ENPEP: variants seen among roughly 807,000 people sequenced by gnomAD.
The protein encoded by ENPEP is glutamyl aminopeptidase.
A neutral mutation model predicts 114.5 loss-of-function variants in ENPEP; 103 were observed. The observed-to-expected ratio is 0.90, with a 90% CI of 0.77 to 1.06. The LOEUF (loss-of-function observed/expected upper bound fraction) is 1.06, where lower values mean the gene tolerates loss of function less well. Among genes scored for constraint, ENPEP ranks in the 50% least tolerant of loss-of-function variants. The pLI is 0.00. For missense variants in ENPEP, 1,196 were observed against 1,161.3 expected (o/e 1.03, Z -0.43); for synonymous variants, 420 against 422.0 (o/e 1.00, Z 0.06).
At chr4:110,480,181 A>C (rs1335212213) in intron 1 of ENPEP, among the ~76,000 whole-genome samples, 2 of 152,248 alleles carry the variant, frequency 1.3e-5, no homozygotes, top group Non-Finnish European at 2.9e-5. Flanking sequence ...ACATTACAAA[A>C]GATGCTGCCA....
At chr4:110,488,348 T>TA (rs1295284704) in intron 1 of ENPEP, among the ~76,000 whole-genome samples, 193 bp from the exon 2 acceptor site, 3 of 152,234 alleles carry the variant, frequency 2.0e-5, no homozygotes, top group Non-Finnish European at 4.4e-5. Context: ...CAGAATTTTT[T>TA]AAAAATTTGT....
chr4:110,501,105 T>A lies in ENPEP; in HGVS notation c.919-5532T>A, dbSNP rs566596714. 1.4e-4 allele frequency among the ~76,000 whole-genome samples: 21 copies of A among 152,256 alleles called. No homozygotes were observed. The East Asian group carries it at 3.9e-3, about 28-fold the overall frequency. On this transcript the variant is annotated intron_variant, in intron 3 of 19. Transcript: ENST00000265162. ...TGGCATGTTGGTAGAGTCTTTAATA[T>A]AAAAATGTTTGTGATATATGGTAGT... is the stretch of plus-strand genomic sequence containing the variant.
chr4:110,549,254 C>G, intron 14 of ENPEP, 92 bp from the exon 15 acceptor site: 1 of 1,025,696 alleles, frequency 9.7e-7, no homozygotes, highest in Non-Finnish European at 1.5e-6. Context: ...AGTAGGAAAA[C>G]AGATTATAAC....
chr4:110,548,185 T>C lies in ENPEP; in HGVS notation c.2010T>C (p.Leu670=). ...DDAFALARAQ[L]LDYKVALNLT... ...TTTTTGTCTTTCTCAGAGCTCAACT[T>C]CTAGATTATAAGGTGGCTTTGAACT... Residue 670 remains leucine (L), a synonymous_variant, in exon 14 of 20, where the codon CTT becomes CTC. Transcript: ENST00000265162. 1 of 1,369,948 alleles carries C rather than the reference T, an allele frequency of 7.3e-7. No homozygotes were observed. Among genetic ancestry groups the C allele is most frequent in the Non-Finnish European group, 9.9e-7 (1 of 1,014,508 alleles). 84.9% of individuals were successfully genotyped at this position (1,369,948 alleles called of 1,614,324 possible). A position where few individuals can be genotyped will look rare whatever the true frequency, so the allele number is the denominator to read the frequency against.
Position 110,561,456 on chromosome 4 carries a change from T to C in ENPEP, c.2772T>C (p.Pro924=), listed in dbSNP as rs1379788168. ...CACAAGCTGGAGCAGGAGAAAAACC[T>C]AGGGAACAAGTGCTGGAAACAGTGA... ...KYPQAGAGEK[P]REQVLETVKN... Residue 924 remains proline, a synonymous_variant, in exon 20 of 20, where the codon CCT becomes CCC. Coordinates refer to ENST00000265162, the MANE Select transcript of ENPEP (RefSeq NM_001977.4). 1.2e-6 allele frequency: 2 copies of C among 1,614,004 alleles called. No homozygotes were observed. Among genetic ancestry groups the C allele is most frequent in the Non-Finnish European group, 1.7e-6 (2 of 1,179,944 alleles).
At chr4:110,554,027 C>T (rs184196239) in intron 18 of ENPEP, among the ~76,000 whole-genome samples, 2 of 152,088 alleles carry the variant, frequency 1.3e-5, no homozygotes, top group Admixed American at 6.6e-5. Flanking sequence ...TTCCAAACTT[C>T]GTATTTCCTC....
chr4:110,540,527 A>T (rs1726810874), intron 11 of ENPEP, among the ~76,000 whole-genome samples: 1 of 152,156 alleles, frequency 6.6e-6, no homozygotes, highest in Admixed American at 6.6e-5. Flanking sequence ...AAACAACTGA[A>T]CAGTATTTTG....
intron 1 of ENPEP, among the ~76,000 whole-genome samples, chr4:110,481,626 C>G (rs1403667403): frequency 6.6e-6 from 1 of 152,178 alleles, no homozygotes; most frequent in East Asian, 1.9e-4. Context: ...CATAAACGAG[C>G]CTAACTTCCA....
intron 11 of ENPEP, among the ~76,000 whole-genome samples, chr4:110,531,714 T>G (rs1265082441): frequency 6.6e-6 from 1 of 152,178 alleles, no homozygotes; most frequent in African/African-American, 2.4e-5. Context: ...CTGCACTGAT[T>G]TATTTTTTCC....
Position 110,476,842 on chromosome 4 carries a change from G to A in ENPEP, c.428G>A (p.Arg143Gln), listed in dbSNP as rs2110327658. Residue 143 changes from arginine to glutamine, a missense_variant, in exon 1 of 20, where the codon CGG becomes CAG. Transcript: ENST00000265162. ...WLHLRETRIT[R>Q]LPELKRPSGD... is the part of the protein sequence containing the mutation. ...CACCTCCGGGAGACCAGGATCACCC[G>A]GCTCCCGGAGCTGAAGAGGCCCTCT... 9 of 1,614,100 alleles carry A rather than the reference G, an allele frequency of 5.6e-6. No homozygotes were observed. Among genetic ancestry groups the A allele is most frequent in the Non-Finnish European group, 7.6e-6 (9 of 1,180,008 alleles).
chr4:110,564,109 T>TC lies in ENPEP; in HGVS notation c.*2552dup, dbSNP rs1179064489. 1 of 152,164 alleles carries TC rather than the reference T, an allele frequency of 6.6e-6. No individual in the cohort carries two copies. 9.4% of individuals were successfully genotyped at this position (152,164 alleles called of 1,614,324 possible). On this transcript the variant is annotated 3_prime_UTR_variant, in exon 20 of 20. Coordinates refer to ENST00000265162, the MANE Select transcript of ENPEP (RefSeq NM_001977.4). ...TCATCATCAGACTTTCCTTTTTTTT[T>TC]CAAGCATTTTTATAAACACTAGCAC...
chr4:110,556,850 T>C (rs1414632464), intron 18 of ENPEP, among the ~76,000 whole-genome samples: 1 of 152,146 alleles, frequency 6.6e-6, no homozygotes, highest in African/African-American at 2.4e-5. Flanking sequence ...ATCCAGTAAA[T>C]ATTGTGGAGC....
At chr4:110,495,945 A>G (rs1286956155) in intron 3 of ENPEP, among the ~76,000 whole-genome samples, 1 of 152,212 alleles carries the variant, frequency 6.6e-6, no homozygotes, top group Non-Finnish European at 1.5e-5. Flanking sequence ...GCTGGGAGGA[A>G]TTATTCACTA....
chr4:110,553,369 A>G lies in ENPEP; in HGVS notation c.2556A>G (p.Thr852=). 7 of 1,611,622 alleles carry G rather than the reference A, an allele frequency of 4.3e-6. No homozygotes were observed. The highest frequency in any genetic ancestry group is 5.9e-6 in the Non-Finnish European group (7 of 1,178,340). The change falls in exon 18 of 20, where the codon ACA becomes ACG. Residue 852 remains threonine, a synonymous_variant. Transcript: ENST00000265162. ...TNLIKTQDVF[T]VIRYISYNSY... is the part of the protein sequence containing the mutation. Reference sequence around the variant, plus strand: ...TTATTAAAACTCAGGATGTGTTTACAGTCATTCGATATATCTCATATAACA... The same window carrying G: ...TTATTAAAACTCAGGATGTGTTTACGGTCATTCGATATATCTCATATAACA...
chr4:110,504,271 T>C (rs915560602), intron 3 of ENPEP, among the ~76,000 whole-genome samples: 1 of 152,112 alleles, frequency 6.6e-6, no homozygotes, highest in Admixed American at 6.5e-5. Flanking sequence ...TGAGCAGGGG[T>C]AACAGGGGGT....
intron 10 of ENPEP, among the ~76,000 whole-genome samples, chr4:110,522,112 C>T (rs577860795): frequency 2.6e-5 from 4 of 151,922 alleles, no homozygotes; most frequent in Admixed American, 6.6e-5. Flanking sequence ...CTCTTGACCT[C>T]GGGTGATCCA....
Position 110,543,085 on chromosome 4 carries a change from G to A in ENPEP, c.2000+15G>A. The A allele has an allele frequency of 6.2e-7, 1 of 1,606,672 alleles. No homozygotes were observed. Among genetic ancestry groups the A allele is most frequent in the Non-Finnish European group, 8.5e-7 (1 of 1,173,706 alleles). On this transcript the variant is annotated intron_variant, in intron 13 of 19. Coordinates refer to ENST00000265162, the MANE Select transcript of ENPEP (RefSeq NM_001977.4). ...GCCTTGGCAAGGTGCGTTTTAGAAT[G>A]AGACTAAATTACTTAAAATACTGTG... is the stretch of plus-strand genomic sequence containing the variant.
Position 110,479,174 on chromosome 4 carries a change from T to C in ENPEP, c.644+2116T>C, listed in dbSNP as rs557468663. ...AGCTGTGGCATAATTATATTATACA[T>C]AGTAATGTGTAACATGCTTTTCCAA... On this transcript the variant is annotated intron_variant, in intron 1 of 19. Coordinates refer to ENST00000265162, the MANE Select transcript of ENPEP (RefSeq NM_001977.4). Among the ~76,000 whole-genome samples, 454 of 152,316 alleles carry C rather than the reference T, an allele frequency of 3.0e-3. 4 individuals are homozygous for C. The highest frequency in any genetic ancestry group is 4.4e-3 in the Non-Finnish European group (299 of 68,022).
chr4:110,542,965 T>A (rs1277390224), intron 12 of ENPEP, 50 bp from the exon 13 acceptor site: 1 of 1,610,222 alleles, frequency 6.2e-7, no homozygotes, highest in South Asian at 1.1e-5. Context: ...TTTTTCAACA[T>A]GCTTTGCCTT....
Sources: allele counts gnomAD v4.1 joint callset (sites outside exome capture counted in the v4.1 genomes callset), GRCh38; gene constraint gnomAD v4.1.1; transcripts MANE v1.5; gene names NCBI Gene and HGNC (gene_info 2026-07-23, HGNC 2026-07-21).